RUNX1T1: variants seen among roughly 807,000 people sequenced by gnomAD.
RUNX1T1 encodes protein CBFA2T1.
RUNX1T1 carries 4 observed loss-of-function variants against 62.8 expected under a neutral mutation model. The ratio of observed to expected loss-of-function variants is 0.06; its 90% confidence interval spans 0.03 to 0.15. RUNX1T1 has a LOEUF of 0.15. RUNX1T1 is among the 10% of genes least tolerant of loss of function. RUNX1T1 has a pLI of 1.00. For synonymous variants in RUNX1T1, 291 were observed against 286.0 expected, an observed-to-expected ratio of 1.02 and a Z score of -0.18; for missense variants, 508 against 754.3, an observed-to-expected ratio of 0.67 and a Z score of 3.82.
At chr8:92,102,461 G>A (rs933863213), upstream of RUNX1T1, among the ~76,000 whole-genome samples, 2 of 151,354 alleles carry the variant, frequency 1.3e-5, no homozygotes, top group Non-Finnish European at 2.9e-5. The surrounding 1 kb of genome is among the most constrained non-coding windows in gnomAD (Gnocchi z 4.5). Flanking sequence ...AAAAACCCAC[G>A]ATGCGGGCAT....
intron 1 of RUNX1T1, among the ~76,000 whole-genome samples, chr8:92,046,913 G>T (rs1829496627): frequency 6.6e-6 from 1 of 152,116 alleles, no homozygotes; most frequent in Admixed American, 6.5e-5. Flanking sequence ...CTGGAGGCAT[G>T]GAATAATAAA....
intron 1 of RUNX1T1, among the ~76,000 whole-genome samples, chr8:92,025,112 A>G (rs1413757079): frequency 6.6e-6 from 1 of 152,066 alleles, no homozygotes; most frequent in East Asian, 1.9e-4. Context: ...CATTTCTACA[A>G]CCTGAATCAT....
intron 3 of RUNX1T1, among the ~76,000 whole-genome samples, chr8:92,012,752 CAA>C (rs34797716): frequency 6.5e-5 from 9 of 138,928 alleles, no homozygotes; most frequent in Admixed American, 1.4e-4. Flanking sequence ...ATCACTCCCT[CAA>C]AAAAAAAAAA....
At chr8:91,966,922 A>AAAAC (rs531729966) in intron 10 of RUNX1T1, among the ~76,000 whole-genome samples, 11 of 152,118 alleles carry the variant, frequency 7.2e-5, no homozygotes, top group South Asian at 2.1e-4. Context: ...CAATTAGGAA[A>AAAAC]AAACAAACAA....
At chr8:92,066,342 C>A (rs1018902916), upstream of RUNX1T1, among the ~76,000 whole-genome samples, 3 of 152,304 alleles carry the variant, frequency 2.0e-5, no homozygotes, top group African/African-American at 7.2e-5. Flanking sequence ...AGACCACTGG[C>A]CACCAAATGA....
At chr8:92,052,724 A>C (rs1455580684) in intron 1 of RUNX1T1, among the ~76,000 whole-genome samples, 1 of 152,166 alleles carries the variant, frequency 6.6e-6, no homozygotes, top group Non-Finnish European at 1.5e-5. Flanking sequence ...TTTCTGACTC[A>C]GTAGGCTTGG....
intron 9 of RUNX1T1, 112 bp from the exon 11 acceptor site, chr8:91,970,960 G>A (rs766041708): frequency 1.2e-4 from 103 of 843,238 alleles, no homozygotes; most frequent in Non-Finnish European, 1.6e-4. Context: ...GGCTGGTCTC[G>A]AACCCCTGGG....
Position 92,038,046 on chromosome 8 carries a change from C to CTTTATTTATTTATTTATTTATTTA in RUNX1T1, c.8-20707_8-20684dup, listed in dbSNP as rs58091057. ...AATACTTACACAACTCAAAATTCTT[C>CTTTATTTATTTATTTATTTATTTA]TTTATTTATTTATTTATTTATTTAT... On this transcript the variant is annotated intron_variant, in intron 1 of 10. Coordinates refer to ENST00000396218, the Ensembl canonical transcript of RUNX1T1. Among the ~76,000 whole-genome samples, 1,168 of 150,070 alleles carry CTTTATTTATTTATTTATTTATTTA rather than the reference C, an allele frequency of 7.8e-3. 16 individuals carry two copies. The highest frequency in any genetic ancestry group is 0.027 in the African/African-American group (1,100 of 40,446).
At chr8:92,091,525 CCT>C (rs1173763228) in intron 1 of RUNX1T1, among the ~76,000 whole-genome samples, 10 of 152,296 alleles carry the variant, frequency 6.6e-5, no homozygotes, top group South Asian at 2.1e-4. Flanking sequence ...AGGAATCTCC[CCT>C]GTTGGTGTCA....
At chr8:91,994,544 G>A (rs112217168) in intron 5 of RUNX1T1, 103 of 490,840 alleles carry the variant, frequency 2.1e-4, no homozygotes, top group African/African-American at 1.8e-3. Flanking sequence ...AGAGACCTGA[G>A]ATCTAGTCCT....
chr8:92,011,550 T>C (rs928897594), intron 3 of RUNX1T1, among the ~76,000 whole-genome samples: 1 of 152,220 alleles, frequency 6.6e-6, no homozygotes, highest in Non-Finnish European at 1.5e-5. Context: ...CTTCTCCTCC[T>C]CCTGTATTTC....
chr8:92,092,727 T>C (rs1455489789), intron 1 of RUNX1T1, among the ~76,000 whole-genome samples: 2 of 152,238 alleles, frequency 1.3e-5, no homozygotes, highest in African/African-American at 2.4e-5. Flanking sequence ...TTTTCACCTA[T>C]GGAAACCTCT....
chr8:91,973,200 G>A (rs1300740651), intron 9 of RUNX1T1, among the ~76,000 whole-genome samples: 1 of 151,602 alleles, frequency 6.6e-6, no homozygotes, highest in Non-Finnish European at 1.5e-5. Flanking sequence ...ATCATTTAAG[G>A]TAAAGAGAAA....
exon 1 of RUNX1T1, chr8:92,099,651 CA>C (rs1837950536): frequency 2.0e-6 from 2 of 985,278 alleles, no homozygotes; most frequent in Non-Finnish European, 1.2e-6. Flanking sequence ...GCCAATTTTT[CA>C]GACTGCTTTG....
chr8:92,061,005 A>C (rs1032101357), intron 1 of RUNX1T1, among the ~76,000 whole-genome samples: 4 of 152,296 alleles, frequency 2.6e-5, no homozygotes, highest in Admixed American at 1.3e-4. Context: ...TAACAACAAC[A>C]CTAAAACAAA....
chr8:92,014,282 TAC>T lies in RUNX1T1; in HGVS notation c.387+295_387+296del, dbSNP rs34477770. On this transcript the variant is annotated intron_variant, in intron 3 of 10. Transcript: ENST00000396218. ...TGAAATACTGAAATACACGTGCACATACACACACACACACACACACATTTATA... is the reference window on the plus strand; with the variant it reads ...TGAAATACTGAAATACACGTGCACATACACACACACACACACACATTTATA... Among the ~76,000 whole-genome samples, 1,086 of 149,142 alleles carry T rather than the reference TAC, an allele frequency of 7.3e-3. 5 individuals carry two copies. Among genetic ancestry groups the T allele is most frequent in the Middle Eastern group, 0.042 (12 of 288 alleles).
At chr8:92,100,463 A>T (rs1837984134), upstream of RUNX1T1, among the ~76,000 whole-genome samples, 3 of 152,222 alleles carry the variant, frequency 2.0e-5, no homozygotes. Context: ...CCTCAGTATT[A>T]AAAAAGTCCG....
At chr8:91,982,997 G>A (rs896252728) in intron 8 of RUNX1T1, among the ~76,000 whole-genome samples, 14 of 145,570 alleles carry the variant, frequency 9.6e-5, no homozygotes, top group African/African-American at 3.6e-4. Flanking sequence ...GCGTGATCTC[G>A]GCTCACTGCA....
At chr8:92,035,123 C>G (rs868246368) in intron 1 of RUNX1T1, among the ~76,000 whole-genome samples, 8 of 151,682 alleles carry the variant, frequency 5.3e-5, no homozygotes, top group Non-Finnish European at 1.0e-4. Context: ...GGTGAAACGC[C>G]GTCTCTACTA....
Sources: gnomAD v4.1 joint callset for allele counts (sites outside exome capture counted in the v4.1 genomes callset) on GRCh38, gnomAD v4.1.1 for gene constraint, Gnocchi (gnomAD v3.1) non-coding constraint, MANE v1.5 for transcripts, NCBI Gene and HGNC (gene_info 2026-07-23, HGNC 2026-07-21) for gene names.